Variants in CELF2 observed in about 807,000 individuals in gnomAD.
CELF2 encodes the protein CUGBP Elav-like family member 2.
Under a neutral mutation model 62.6 loss-of-function variants are expected in CELF2, and 8 were observed. That is an observed-to-expected ratio of 0.13 (90% CI 0.07 to 0.23). The LOEUF is 0.23. CELF2 is among the 10% of genes least tolerant of loss of function. The probability of loss-of-function intolerance (pLI) is 1.00; values close to 1 mark genes in which losing one functional copy is unlikely to be tolerated. For missense variants in CELF2, 333 were observed against 671.0 expected, an observed-to-expected ratio of 0.50 and a Z score of 5.56; for synonymous variants, 258 against 250.0, an observed-to-expected ratio of 1.03 and a Z score of -0.30.
the CELF2 span, among the ~76,000 whole-genome samples, chr10:10,465,932 T>C: frequency 6.6e-6 from 1 of 152,122 alleles, no homozygotes; most frequent in African/African-American, 2.4e-5. Flanking sequence ...ATTATCATGT[T>C]AATGCCCCCA....
rs145441150 is a variant in CELF2, at chr10:11,082,620, C to T, written c.74+64457C>T. ...AATGAGGAGATTACTTAGATGAGCTCTGAGATCCCTTCCAGTTCTAAAAAT... is the reference window on the plus strand; with the variant it reads ...AATGAGGAGATTACTTAGATGAGCTTTGAGATCCCTTCCAGTTCTAAAAAT... On this transcript the variant is annotated intron_variant, in intron 1 of 12. Transcript: ENST00000633077. Among the ~76,000 whole-genome samples, 17 of 152,332 alleles carry T rather than the reference C, an allele frequency of 1.1e-4. No individual in the cohort carries two copies. The East Asian group carries it at 2.5e-3, about 22-fold the overall frequency.
At chr10:10,717,694 A>G in the CELF2 span, among the ~76,000 whole-genome samples, 1 of 152,198 alleles carries the variant, frequency 6.6e-6, no homozygotes, top group East Asian at 1.9e-4. Flanking sequence ...TTAAATGAAC[A>G]ACAAATCAAA....
chr10:11,074,675 A>G (rs1564626218), intron 1 of CELF2, among the ~76,000 whole-genome samples: 1 of 152,202 alleles, frequency 6.6e-6, no homozygotes, highest in Non-Finnish European at 1.5e-5. Flanking sequence ...GAGACAGTGT[A>G]GGTATGGTGC....
In CELF2 at chr10:10,997,562, C is replaced by T. The variant is rs181023414; in HGVS notation, c.89+77563C>T. On this transcript the variant is annotated intron_variant, in intron 2 of 13. Coordinates refer to the CELF2 transcript ENST00000636488. The surrounding 1 kb of genome is among the most constrained non-coding windows in gnomAD (Gnocchi z 5.3). ...CCAAGTGCACCAAAGGTCATATTCA[C>T]GTTTGGATCCCAGATAATGGTCGAG... Among the ~76,000 whole-genome samples the T allele has an allele frequency of 4.6e-5, 7 of 152,312 alleles. No individual in the cohort carries two copies. The highest frequency in any genetic ancestry group is 7.2e-5 in the African/African-American group (3 of 41,570).
intron 1 of CELF2, among the ~76,000 whole-genome samples, chr10:11,083,162 G>T (rs1465536054): frequency 1.3e-5 from 2 of 152,150 alleles, no homozygotes; most frequent in African/African-American, 4.8e-5. Flanking sequence ...TGACCCTTCT[G>T]TTCATACCAC....
At chr10:10,607,103 TC>T in the CELF2 span, among the ~76,000 whole-genome samples, 2 of 152,240 alleles carry the variant, frequency 1.3e-5, no homozygotes, top group East Asian at 1.9e-4. Context: ...TAATAGCTGA[TC>T]CTTGACCAAG....
At chr10:10,590,079 G>A in the CELF2 span, among the ~76,000 whole-genome samples, 1 of 152,138 alleles carries the variant, frequency 6.6e-6, no homozygotes, top group African/African-American at 2.4e-5. Flanking sequence ...CTGTCTGGGG[G>A]TTTTATTTGC....
At chr10:11,026,943 C>T (rs897370884) in intron 1 of CELF2, among the ~76,000 whole-genome samples, 19 of 152,268 alleles carry the variant, frequency 1.2e-4, no homozygotes, top group Admixed American at 5.9e-4. Context: ...ATAAGGGTGG[C>T]GTGTTTCGGA....
At chr10:10,914,145 G>A (rs1168220140) in intron 1 of CELF2, among the ~76,000 whole-genome samples, 1 of 150,316 alleles carries the variant, frequency 6.7e-6, no homozygotes, top group Non-Finnish European at 1.5e-5. Flanking sequence ...AAAAAAAAAT[G>A]TTCTCTGTAC....
chr10:10,961,378 T>C (rs532113034), intron 2 of CELF2, among the ~76,000 whole-genome samples: 22 of 152,354 alleles, frequency 1.4e-4, no homozygotes, highest in African/African-American at 5.3e-4. Context: ...GTGGGTGATA[T>C]TCTCATCCAG....
chr10:10,593,096 A>G, the CELF2 span, among the ~76,000 whole-genome samples: 1 of 152,150 alleles, frequency 6.6e-6, no homozygotes, highest in Non-Finnish European at 1.5e-5. Context: ...ATCCACAGCC[A>G]ACAAGCAGAG....
chr10:10,504,016 G>A, the CELF2 span, among the ~76,000 whole-genome samples: 1 of 152,008 alleles, frequency 6.6e-6, no homozygotes, highest in Non-Finnish European at 1.5e-5. Context: ...CTTCCTCTAT[G>A]TCCTCTTACA....
At chr10:11,219,706 A>G (rs2064270411) in intron 3 of CELF2, among the ~76,000 whole-genome samples, 1 of 152,240 alleles carries the variant, frequency 6.6e-6, no homozygotes, top group Non-Finnish European at 1.5e-5. Flanking sequence ...GAAAAACATG[A>G]AAGTGTTTTC....
At chr10:11,262,517 C>G (rs1169667410) in intron 5 of CELF2, among the ~76,000 whole-genome samples, 2 of 152,192 alleles carry the variant, frequency 1.3e-5, no homozygotes, top group African/African-American at 4.8e-5. Context: ...CCATCTTGTT[C>G]CAAATACAGA....
intron 1 of CELF2, among the ~76,000 whole-genome samples, chr10:10,903,176 C>CT (rs2063070994): frequency 6.6e-6 from 1 of 152,198 alleles, no homozygotes. Flanking sequence ...ACCTGTTCCA[C>CT]TGGAATGCTG....
At chr10:11,072,392 C>T (rs1352825423) in intron 1 of CELF2, among the ~76,000 whole-genome samples, 2 of 152,162 alleles carry the variant, frequency 1.3e-5, no homozygotes, top group Non-Finnish European at 2.9e-5. Flanking sequence ...GTATTTTACC[C>T]AGATGACAAT....
At chr10:10,856,152 T>G (rs2059693298) in intron 1 of CELF2, among the ~76,000 whole-genome samples, 1 of 152,230 alleles carries the variant, frequency 6.6e-6, no homozygotes, top group African/African-American at 2.4e-5. Context: ...GAAGTTGGTA[T>G]TTCAGTGACA....
In CELF2 at chr10:11,008,029, A is replaced by C. The variant is rs371412239; in HGVS notation, c.53+2589A>C. On this transcript the variant is annotated intron_variant, in intron 1 of 12. Transcript: ENST00000416382. The surrounding 1 kb of genome is among the most constrained non-coding windows in gnomAD (Gnocchi z 4.5). The stretch of plus-strand genomic sequence containing the variant: ...GCCCCCATTCTAGCATCCGACATAC[A>C]TATGTCTTTTCCTTTCACCTGATAG... Among the ~76,000 whole-genome samples, 1 of 152,118 alleles carries C rather than the reference A, an allele frequency of 6.6e-6. No homozygotes were observed. The highest frequency in any genetic ancestry group is 2.1e-4 in the South Asian group (1 of 4,816).
chr10:10,516,646 C>G, the CELF2 span, among the ~76,000 whole-genome samples: 2,955 of 151,746 alleles, frequency 0.019, 82 homozygotes, highest in African/African-American at 0.065. Flanking sequence ...AAAAGAATTG[C>G]TGGCTTAATT....
Sources: allele counts gnomAD v4.1 joint callset (sites outside exome capture counted in the v4.1 genomes callset), GRCh38; gene constraint gnomAD v4.1.1; non-coding constraint Gnocchi (gnomAD v3.1); transcripts MANE v1.5; gene names NCBI Gene and HGNC (gene_info 2026-07-23, HGNC 2026-07-21).